NRG3: variants seen among roughly 807,000 people sequenced by gnomAD.
The protein encoded by NRG3 is neuregulin 3, also known as pro-neuregulin-3, membrane-bound isoform.
A neutral mutation model predicts 66.9 loss-of-function variants in NRG3; 31 were observed. The observed-to-expected ratio is 0.46, with a 90% CI of 0.35 to 0.63. NRG3 has a LOEUF of 0.63. Ranked by LOEUF, NRG3 falls within the 20% of genes least tolerant of loss-of-function variation. The probability of loss-of-function intolerance (pLI) is 0.00; values close to 1 mark genes in which losing one functional copy is unlikely to be tolerated. For synonymous variants in NRG3, 393 were observed against 359.4 expected (o/e 1.09, Z -1.06); for missense variants, 910 against 878.9 (o/e 1.04, Z -0.45).
chr10:82,407,165 G>A (rs2087584718), intron 2 of NRG3, among the ~76,000 whole-genome samples: 1 of 150,678 alleles, frequency 6.6e-6, no homozygotes, highest in Admixed American at 6.6e-5. Flanking sequence ...CATGGGGAGA[G>A]CAGACCTAAT....
intron 3 of NRG3, among the ~76,000 whole-genome samples, chr10:82,858,343 G>T (rs1217428088): frequency 6.6e-6 from 1 of 152,022 alleles, no homozygotes; most frequent in Non-Finnish European, 1.5e-5. Flanking sequence ...TTCTTAGCTT[G>T]CCTGTTTTGC....
intron 1 of NRG3, among the ~76,000 whole-genome samples, chr10:82,059,701 C>T (rs190907287): frequency 6.6e-6 from 1 of 152,132 alleles, no homozygotes; most frequent in Admixed American, 6.5e-5. Flanking sequence ...CTTCCCAGAC[C>T]CAGTACACCT....
chr10:82,125,731 C>G (rs2068401435), intron 1 of NRG3, among the ~76,000 whole-genome samples: 1 of 151,810 alleles, frequency 6.6e-6, no homozygotes, highest in African/African-American at 2.4e-5. Context: ...CATTATCTTC[C>G]CTCTCCAGGT....
At chr10:82,601,296 TTG>T (rs2047613677) in intron 2 of NRG3, among the ~76,000 whole-genome samples, 1 of 152,218 alleles carries the variant, frequency 6.6e-6, no homozygotes, top group Non-Finnish European at 1.5e-5. Flanking sequence ...TTAGTTAACA[TTG>T]TGTCATCAGT....
intron 1 of NRG3, among the ~76,000 whole-genome samples, chr10:82,227,290 G>A (rs2076213544): frequency 6.6e-6 from 1 of 152,032 alleles, no homozygotes; most frequent in African/African-American, 2.4e-5. Flanking sequence ...TCATTCTACT[G>A]TGGCTGTTGG....
chr10:82,255,036 A>C (rs1272137742), intron 1 of NRG3, among the ~76,000 whole-genome samples: 2 of 152,206 alleles, frequency 1.3e-5, no homozygotes, highest in African/African-American at 2.4e-5. Context: ...AAAATCTGAC[A>C]AACACTACCC....
intron 2 of NRG3, among the ~76,000 whole-genome samples, chr10:82,539,068 A>G (rs1025943277): frequency 1.3e-5 from 2 of 152,262 alleles, no homozygotes; most frequent in African/African-American, 4.8e-5. Flanking sequence ...AAACTGGTGT[A>G]TAATTCACAG....
intron 6 of NRG3, among the ~76,000 whole-genome samples, chr10:82,971,670 C>T (rs1851754208): frequency 6.6e-6 from 1 of 152,100 alleles, no homozygotes; most frequent in East Asian, 1.9e-4. Flanking sequence ...CTTCTGACCT[C>T]AGGTGATCTG....
In NRG3 at chr10:82,913,087, G is replaced by A. The variant is rs138919062; in HGVS notation, c.1055-38382G>A. 9.5e-3 allele frequency among the ~76,000 whole-genome samples: 1,440 copies of A among 152,210 alleles called. 17 individuals are homozygous for A. The highest frequency in any genetic ancestry group is 0.032 in the African/African-American group (1,318 of 41,532). On this transcript the variant is annotated intron_variant, in intron 4 of 8. Transcript: ENST00000372141. ...AAAAATACAAAATAATTAGCCGGGC[G>A]TGGTGCAGGCACCTGTAGTCCCAGC...
At chr10:82,956,718 G>C (rs1379398639) in intron 5 of NRG3, among the ~76,000 whole-genome samples, 1 of 151,820 alleles carries the variant, frequency 6.6e-6, no homozygotes, top group Non-Finnish European at 1.5e-5. Context: ...TACTTTTTCA[G>C]GATGATTTAC....
intron 1 of NRG3, among the ~76,000 whole-genome samples, chr10:82,231,242 C>G (rs1278767073): frequency 6.6e-6 from 1 of 152,038 alleles, no homozygotes. Flanking sequence ...GTTCGGGAGG[C>G]TGAGGCAGGA....
chr10:82,146,647 G>A (rs898465268), intron 1 of NRG3, among the ~76,000 whole-genome samples: 2 of 152,106 alleles, frequency 1.3e-5, no homozygotes, highest in African/African-American at 4.8e-5. Flanking sequence ...GCTTTTCTAA[G>A]GCAAGCAGAC....
At chr10:82,078,704 C>T (rs915490277) in intron 1 of NRG3, among the ~76,000 whole-genome samples, 1 of 152,186 alleles carries the variant, frequency 6.6e-6, no homozygotes, top group Non-Finnish European at 1.5e-5. Flanking sequence ...AATTATTTCT[C>T]CTGAAGGCAT....
At chr10:82,310,871 AG>A (rs1177541392) in intron 1 of NRG3, among the ~76,000 whole-genome samples, 1 of 152,226 alleles carries the variant, frequency 6.6e-6, no homozygotes, top group African/African-American at 2.4e-5. Context: ...TGTAGGTAAA[AG>A]GAATACATCA....
chr10:82,860,061 G>C (rs373638545), intron 3 of NRG3, among the ~76,000 whole-genome samples: 64 of 152,200 alleles, frequency 4.2e-4, no homozygotes, highest in African/African-American at 1.5e-3. Flanking sequence ...TCAATGTTGG[G>C]CATATTTTCA....
chr10:82,945,152 T>G (rs1230958411), intron 4 of NRG3, among the ~76,000 whole-genome samples: 1 of 152,162 alleles, frequency 6.6e-6, no homozygotes, highest in Admixed American at 6.5e-5. Context: ...TGAATTGCCA[T>G]CAGCACCAAA....
intron 2 of NRG3, among the ~76,000 whole-genome samples, chr10:82,660,613 C>T (rs1423997776): frequency 1.3e-5 from 2 of 152,194 alleles, no homozygotes; most frequent in Admixed American, 1.3e-4. Context: ...CATCTCTTCA[C>T]AGCTAAACTT....
intron 2 of NRG3, among the ~76,000 whole-genome samples, chr10:82,440,667 G>A (rs1246250462): frequency 6.6e-6 from 1 of 151,946 alleles, no homozygotes; most frequent in Non-Finnish European, 1.5e-5. Context: ...TTTGAACTAT[G>A]CAATCAATTT....
At chr10:82,800,818 T>G (rs2061003056) in intron 3 of NRG3, among the ~76,000 whole-genome samples, 1 of 152,138 alleles carries the variant, frequency 6.6e-6, no homozygotes, top group Admixed American at 6.5e-5. Flanking sequence ...TCACTTCCCT[T>G]AAGGTGACCT....
Sources: gnomAD v4.1 joint callset for allele counts (sites outside exome capture counted in the v4.1 genomes callset) on GRCh38, gnomAD v4.1.1 for gene constraint, MANE v1.5 for transcripts, NCBI Gene and HGNC (gene_info 2026-07-23, HGNC 2026-07-21) for gene names.